The following FZD6 variants were observed in gnomAD, a reference collection of about 807,000 sequenced individuals.
FZD6 encodes frizzled-6.
Under a neutral mutation model 61.4 loss-of-function variants are expected in FZD6, and 49 were observed. The observed-to-expected ratio is 0.80, with a 90% CI of 0.63 to 1.01. FZD6 has a LOEUF of 1.01. Ranked by LOEUF, FZD6 falls within the 50% of genes least tolerant of loss-of-function variation. The probability of loss-of-function intolerance (pLI) is 0.00; values close to 1 mark genes in which losing one functional copy is unlikely to be tolerated. For missense variants in FZD6, 724 were observed against 848.2 expected (o/e 0.85, Z 1.82); for synonymous variants, 265 against 292.2 (o/e 0.91, Z 0.95).
Position 103,331,731 on chromosome 8 carries a change from A to G in FZD6, c.*222A>G, listed in dbSNP as rs766822353. On this transcript the variant is annotated 3_prime_UTR_variant, in exon 7 of 7. Transcript: ENST00000358755. ...AACAGAAAATGTGCAGGTTAATAAT[A>G]TTTTTTTAATAGTGTGGGAGGACAG... The G allele has an allele frequency of 1.7e-4, 84 of 485,278 alleles. No individual in the cohort carries two copies. Among genetic ancestry groups the G allele is most frequent in the Admixed American group, 3.0e-4 (9 of 30,300 alleles). The allele number at this position is 485,278 out of a possible 1,614,324, so 30.1% of individuals were successfully genotyped here.
At chr8:103,311,074 C>G (rs1014063227) in intron 2 of FZD6, among the ~76,000 whole-genome samples, 1 of 151,986 alleles carries the variant, frequency 6.6e-6, no homozygotes, top group Non-Finnish European at 1.5e-5. Flanking sequence ...GCAGGAGAAC[C>G]GGGTTCAAAA....
At position 103,331,558 on chromosome 8, in the gene FZD6, G is replaced by C. The variant is rs1164501314; in HGVS notation, c.*49G>C. The C allele has an allele frequency of 2.5e-6, 3 of 1,206,524 alleles. No individual in the cohort carries two copies. The African/African-American group carries it at 4.4e-5, about 18-fold the overall frequency. The allele number at this position is 1,206,524 out of a possible 1,614,324, so 74.7% of individuals were successfully genotyped here. Reference sequence around the variant, plus strand: ...GAAGCAAATTTGTGTTACACTGGAAGTGACCTATGCACTGTTTTGTAAGAA... The same window carrying C: ...GAAGCAAATTTGTGTTACACTGGAACTGACCTATGCACTGTTTTGTAAGAA... On this transcript the variant is annotated 3_prime_UTR_variant, in exon 7 of 7. Transcript: ENST00000358755.
At chr8:103,326,249 A>G (rs1814948867) in intron 4 of FZD6, among the ~76,000 whole-genome samples, 1 of 152,210 alleles carries the variant, frequency 6.6e-6, no homozygotes, top group African/African-American at 2.4e-5. Context: ...ACTATTTCAT[A>G]TAATAGCTTA....
At chr8:103,313,515 G>A (rs894256221) in intron 2 of FZD6, among the ~76,000 whole-genome samples, 5 of 152,172 alleles carry the variant, frequency 3.3e-5, no homozygotes, top group African/African-American at 1.2e-4. Flanking sequence ...TTCCTTTTCA[G>A]CCCAAGAAAC....
chr8:103,317,146 A>G (rs1586515302), intron 2 of FZD6, among the ~76,000 whole-genome samples: 1 of 152,230 alleles, frequency 6.6e-6, no homozygotes, highest in East Asian at 1.9e-4. Flanking sequence ...ATGAGGGCAC[A>G]AGACTCACTA....
At chr8:103,314,212 C>A (rs1333489642) in intron 2 of FZD6, among the ~76,000 whole-genome samples, 1 of 152,110 alleles carries the variant, frequency 6.6e-6, no homozygotes, top group South Asian at 2.1e-4. Context: ...TTTTGCCTGC[C>A]CTTGAACTAT....
intron 2 of FZD6, among the ~76,000 whole-genome samples, chr8:103,303,925 GTTT>G (rs5893647): frequency 1.8e-4 from 27 of 149,124 alleles, no homozygotes; most frequent in African/African-American, 5.9e-4. Context: ...ATATGAGTCA[GTTT>G]TTTTTTTTTC....
At chr8:103,298,772 TC>T (rs1563681573), upstream of FZD6, 8 of 98,576 alleles carry the variant, frequency 8.1e-5, no homozygotes, top group East Asian at 2.8e-3. Flanking sequence ...GCAGGGCCAG[TC>T]CCGCCGCCGC....
At chr8:103,302,819 T>A (rs1358360966) in intron 2 of FZD6, among the ~76,000 whole-genome samples, 1 of 152,078 alleles carries the variant, frequency 6.6e-6, no homozygotes, top group Non-Finnish European at 1.5e-5. Flanking sequence ...AAATAAAATC[T>A]CTGTGGCGCA....
chr8:103,315,464 C>T (rs533921188), intron 2 of FZD6, among the ~76,000 whole-genome samples: 7 of 152,302 alleles, frequency 4.6e-5, no homozygotes, highest in Admixed American at 2.6e-4. Flanking sequence ...GACAACATGA[C>T]TGAATCACAA....
intron 1 of FZD6, 134 bp downstream of exon 1, chr8:103,299,129 G>A (rs1814067381): frequency 6.6e-6 from 1 of 152,270 alleles, no homozygotes; most frequent in Non-Finnish European, 1.5e-5. Flanking sequence ...GGCAACGGCG[G>A]GACGGCCCGC....
chr8:103,314,814 C>T (rs1283224483), intron 2 of FZD6, among the ~76,000 whole-genome samples: 1 of 152,160 alleles, frequency 6.6e-6, no homozygotes, highest in Non-Finnish European at 1.5e-5. Context: ...ATTGAAATTT[C>T]TCATGACCAT....
At chr8:103,304,072 G>C (rs932782736) in intron 2 of FZD6, among the ~76,000 whole-genome samples, 1 of 151,990 alleles carries the variant, frequency 6.6e-6, no homozygotes, top group Non-Finnish European at 1.5e-5. Flanking sequence ...CCTCCAACCC[G>C]ATTACCTTTA....
At chr8:103,324,370 C>T in intron 3 of FZD6, 111 bp from the exon 4 acceptor site, 1 of 643,812 alleles carries the variant, frequency 1.6e-6, no homozygotes, top group African/African-American at 1.8e-5. Context: ...GTATCTCTTC[C>T]CATCAATCAT....
intron 2 of FZD6, among the ~76,000 whole-genome samples, chr8:103,308,380 T>C (rs1342539881): frequency 1.3e-5 from 2 of 152,194 alleles, no homozygotes; most frequent in East Asian, 3.9e-4. Flanking sequence ...TCTTGTTGCT[T>C]GCAAGTCCCT....
At chr8:103,325,923 A>G (rs183280945) in intron 4 of FZD6, among the ~76,000 whole-genome samples, 1 of 152,330 alleles carries the variant, frequency 6.6e-6, no homozygotes, top group East Asian at 1.9e-4. Context: ...CATAGTATAT[A>G]CTTACAAAAA....
Position 103,323,959 on chromosome 8 carries a change from AT to A in FZD6, c.375-521del, listed in dbSNP as rs1408549384. The stretch of plus-strand genomic sequence containing the variant: ...GCCTGTCTTTAAAAACTTGAACTCT[AT>A]CCTGTCAATCCAGGGAAGGATCTCA... On this transcript the variant is annotated intron_variant, in intron 3 of 6. Coordinates refer to ENST00000358755, the MANE Select transcript of FZD6 (RefSeq NM_003506.4). 5.9e-5 allele frequency among the ~76,000 whole-genome samples: 9 copies of A among 152,236 alleles called. No homozygotes were observed. In the East Asian group the frequency reaches 1.7e-3, roughly 29 times the overall value.
intron 2 of FZD6, chr8:103,307,710 C>T (rs1325313261): frequency 6.9e-6 from 3 of 436,844 alleles, no homozygotes; most frequent in Non-Finnish European, 1.4e-5. Context: ...TCCTTGTGTT[C>T]TAAGGTGTGT....
chr8:103,323,367 C>T (rs1374335804), intron 3 of FZD6, among the ~76,000 whole-genome samples: 2 of 150,936 alleles, frequency 1.3e-5, no homozygotes, highest in Non-Finnish European at 3.0e-5. Flanking sequence ...ATTTTATGGG[C>T]ATATGTTTTA....
Sources: allele counts gnomAD v4.1 joint callset (sites outside exome capture counted in the v4.1 genomes callset), GRCh38; gene constraint gnomAD v4.1.1; transcripts MANE v1.5; gene names NCBI Gene and HGNC (gene_info 2026-07-23, HGNC 2026-07-21).